Variants in ZNF597 observed in about 807,000 individuals in gnomAD.
The protein encoded by ZNF597 is zinc finger protein 597.
A neutral mutation model predicts 7.3 loss-of-function variants in ZNF597; 5 were observed. The ratio of observed to expected loss-of-function variants is 0.68; its 90% CI spans 0.36 to 1.44. The LOEUF is 1.44. Among genes scored for constraint, ZNF597 ranks in the 40% most tolerant of loss-of-function variants. The pLI is 0.04. For missense variants in ZNF597, 585 were observed against 517.9 expected, an observed-to-expected ratio of 1.13 and a Z score of -1.26; for synonymous variants, 209 against 185.4, an observed-to-expected ratio of 1.13 and a Z score of -1.04.
Position 3,436,803 on chromosome 16 carries a change from G to T in ZNF597, c.896C>A (p.Thr299Asn). ...CTGCCTGAAGCTCTTCATGCACTTA[G>T]TGTGCTGGTACTGGGGGCCTGATAC... ...TFVSGPQYQH[T>N]KCMKSFRQSL... Residue 299 changes from threonine (T) to asparagine (N), a missense_variant, in exon 4 of 4, where the codon ACT (threonine) becomes AAT (asparagine). By Grantham distance (65) the Thr-to-Asn change is moderately conservative. Coordinates refer to ENST00000301744, the MANE Select transcript of ZNF597 (RefSeq NM_152457.3). 3 of 1,613,598 alleles carry T rather than the reference G, an allele frequency of 1.9e-6. No homozygotes were observed. Among genetic ancestry groups the T allele is most frequent in the Non-Finnish European group, 2.5e-6 (3 of 1,180,028 alleles).
In ZNF597 at chr16:3,437,611, G is replaced by A. The variant is rs918249497; in HGVS notation, c.161-73C>T. On this transcript the variant is annotated intron_variant, in intron 3 of 3. Coordinates refer to ENST00000301744, the MANE Select transcript of ZNF597 (RefSeq NM_152457.3). ...GGATACTGGGGAAAAAGTAAGCTAA[G>A]GTAGTTACAAACAGGACCAGGAAAC... 3.6e-5 allele frequency: 54 copies of A among 1,493,790 alleles called. No individual in the cohort carries two copies. In the African/African-American group the frequency reaches 6.7e-4, roughly 19 times the overall value. The allele number at this position is 1,493,790 out of a possible 1,614,324, so 92.5% of individuals were successfully genotyped here.
Position 3,440,915 on chromosome 16 carries a change from C to G in ZNF597, c.52G>C (p.Asp18His), listed in dbSNP as rs1270679479. ...PEAQGPILFE[D>H]LAVYFSQEEC... ...TCTTGAGAAAAATACACAGCCAGAT[C>G]CTCAAAGAGTATTGGTCCCTGAAAC... Residue 18 changes from aspartate (D) to histidine (H), a missense_variant, in exon 3 of 4, where the codon GAT becomes CAT. By Grantham distance (81) the Asp-to-His change is moderately conservative (BLOSUM62 -1). Transcript: ENST00000301744. 6.2e-7 allele frequency: 1 copy of G among 1,613,772 alleles called. No individual in the cohort carries two copies. The highest frequency in any genetic ancestry group is 2.2e-5 in the East Asian group (1 of 44,884).
rs35587796 is a variant in ZNF597 at position 3,436,577 on chromosome 16, G to C, written c.1122C>G (p.Cys374Trp). ...TEERPHKCKT[C>W]EESFALDSEL... ...CTGAGTCCAAAGCAAAACTTTCCTCGCATGTTTTGCACTTATGGGGCCTTT... is the reference window on the plus strand; with the variant it reads ...CTGAGTCCAAAGCAAAACTTTCCTCCCATGTTTTGCACTTATGGGGCCTTT... Residue 374 changes from cysteine to tryptophan, a missense_variant, in exon 4 of 4, where the codon TGC becomes TGG. By Grantham distance (215) the Cys-to-Trp change is radical. Transcript: ENST00000301744. The C allele has an allele frequency of 6.2e-7, 1 of 1,610,598 alleles. No individual in the cohort carries two copies. Among genetic ancestry groups the C allele is most frequent in the South Asian group, 1.1e-5 (1 of 90,732 alleles).
In ZNF597 at chr16:3,436,700, G is replaced by C. The variant is rs1171444881; in HGVS notation, c.999C>G (p.Phe333Leu). The change falls in exon 4 of 4, where the codon TTC becomes TTG. Residue 333 changes from phenylalanine to leucine, a missense_variant. Phe to Leu is a conservative substitution (Grantham distance 22). Transcript: ENST00000301744. ...GTAAGGGCTTGAATTTTGAGAATGA[G>C]AAGAAATTGTCCCCATCATCGCTGC... ...ERCSDDGDNF[F>L]SFSKFKPLQC... 1 of 1,614,170 alleles carries C rather than the reference G, an allele frequency of 6.2e-7. No individual in the cohort carries two copies. The highest frequency in any genetic ancestry group is 1.3e-5 in the African/African-American group (1 of 75,038).
At chr16:3,439,388 A>G (rs1200378313) in intron 3 of ZNF597, among the ~76,000 whole-genome samples, 25 of 152,098 alleles carry the variant, frequency 1.6e-4, no homozygotes, top group Non-Finnish European at 1.5e-5. Flanking sequence ...GTATCAAAAA[A>G]AAAATAACCC....
At position 3,433,692 on chromosome 16, in the gene ZNF597, A is replaced by G. The variant is rs562258723; in HGVS notation, c.*2732T>C. 1 of 152,370 alleles carries G rather than the reference A, an allele frequency of 6.6e-6. No homozygotes were observed. The highest frequency in any genetic ancestry group is 2.1e-4 in the South Asian group (1 of 4,832). 9.4% of individuals were successfully genotyped at this position (152,370 alleles called of 1,614,324 possible). A position where few individuals can be genotyped will look rare whatever the true frequency, so the allele number is the denominator to read the frequency against. On this transcript the variant is annotated 3_prime_UTR_variant, in exon 4 of 4. Transcript: ENST00000301744. ...CATAAAAAGCCTGAAGCTCACCAGC[A>G]GATATATCTTTTCCTTCAATTCCCT...
chr16:3,440,986 C>G, intron 2 of ZNF597, 53 bp from the exon 3 acceptor site: 1 of 1,589,422 alleles, frequency 6.3e-7, no homozygotes. Flanking sequence ...CAGCCCCTCA[C>G]TTAACCTAGG....
intron 2 of ZNF597, among the ~76,000 whole-genome samples, chr16:3,442,060 T>C (rs1042130794): frequency 6.6e-6 from 1 of 151,852 alleles, no homozygotes; most frequent in African/African-American, 2.4e-5. Context: ...TACAGGATTC[T>C]CCCAACATCC....
intron 2 of ZNF597, 43 bp downstream of exon 2, chr16:3,443,078 G>T (rs371067138): frequency 1.5e-5 from 24 of 1,613,570 alleles, no homozygotes; most frequent in Middle Eastern, 1.6e-4. Flanking sequence ...GGCAGAGACC[G>T]AAAGCAGCAA....
At position 3,435,654 on chromosome 16, in the gene ZNF597, C is replaced by G. The variant is rs2034293481; in HGVS notation, c.*770G>C. 1 of 152,116 alleles carries G rather than the reference C, an allele frequency of 6.6e-6. No individual in the cohort carries two copies. The highest frequency in any genetic ancestry group is 2.4e-5 in the African/African-American group (1 of 41,422). 9.4% of individuals were successfully genotyped at this position (152,116 alleles called of 1,614,324 possible). On this transcript the variant is annotated 3_prime_UTR_variant, in exon 4 of 4. Transcript: ENST00000301744. ...TCACTGAGAAACAATTACAATTATTCATAGTAAGACAGGTAATGTGCTTCA... is the reference window on the plus strand; with the variant it reads ...TCACTGAGAAACAATTACAATTATTGATAGTAAGACAGGTAATGTGCTTCA...
chr16:3,442,596 A>G (rs2150935388), intron 2 of ZNF597, among the ~76,000 whole-genome samples: 1 of 151,102 alleles, frequency 6.6e-6, no homozygotes, highest in East Asian at 2.0e-4. Context: ...AATGGCATGA[A>G]CCCGGGAGGC....
At chr16:3,442,100 G>A (rs889484023) in intron 2 of ZNF597, among the ~76,000 whole-genome samples, 1 of 152,074 alleles carries the variant, frequency 6.6e-6, no homozygotes, top group African/African-American at 2.4e-5. Flanking sequence ...TCGTCCCCAT[G>A]ACACTCATTG....
chr16:3,440,638 A>T (rs118186249), intron 3 of ZNF597, among the ~76,000 whole-genome samples, 169 bp downstream of exon 3: 6,655 of 152,222 alleles, frequency 0.044, 197 homozygotes, highest in Middle Eastern at 0.061. Context: ...TGTCTCAAAA[A>T]AAAAAAATCA....
intron 1 of ZNF597, 49 bp from the exon 2 acceptor site, chr16:3,443,255 T>G: frequency 8.3e-7 from 1 of 1,204,202 alleles, no homozygotes; most frequent in Non-Finnish European, 1.2e-6. Context: ...CGCTGCCAAG[T>G]TCCTCCACTA....
In ZNF597 at chr16:3,436,554, G is replaced by A; in HGVS notation, c.1145C>T (p.Ser382Leu). ...KTCEESFALDSELACHQKSHM... is the reference protein window; with the variant it reads ...KTCEESFALDLELACHQKSHM... ...GCTCTTCTGGTGGCATGCAAGTTCT[G>A]AGTCCAAAGCAAAACTTTCCTCGCA... The change falls in exon 4 of 4, where the codon TCA becomes TTA. Residue 382 changes from serine (S) to leucine (L), a missense_variant. Coordinates refer to ENST00000301744, the MANE Select transcript of ZNF597 (RefSeq NM_152457.3). The A allele has an allele frequency of 1.2e-6, 2 of 1,613,728 alleles. No individual in the cohort carries two copies. The highest frequency in any genetic ancestry group is 1.1e-5 in the South Asian group (1 of 91,038).
chr16:3,437,241 T>C lies in ZNF597; in HGVS notation c.458A>G (p.Lys153Arg), dbSNP rs754559775. The C allele has an allele frequency of 2.4e-5, 38 of 1,614,226 alleles. No individual in the cohort carries two copies. The South Asian group carries it at 2.9e-4, about 12-fold the overall frequency. The change falls in exon 4 of 4, where the codon AAA becomes AGA. Residue 153 changes from lysine to arginine, a missense_variant. Coordinates refer to ENST00000301744, the MANE Select transcript of ZNF597 (RefSeq NM_152457.3). The stretch of plus-strand genomic sequence containing the variant: ...ACACTCAGGACATTTGTACACATTT[T>C]TGGCTCCTTCCCAGGGAGAATCAAG... The part of the protein sequence containing the change: ...EILDSPWEGA[K>R]NVYKCPECDQ...
rs376011364 is a variant in ZNF597 at position 3,440,973 on chromosome 16, G to A, written c.34-40C>T. ...CCTGTGTCAGCACAAGAGGGTGGAG[G>A]GTCAGCCCCTCACTTAACCTAGGAA... On this transcript the variant is annotated intron_variant, in intron 2 of 3. Coordinates refer to ENST00000301744, the MANE Select transcript of ZNF597 (RefSeq NM_152457.3). The A allele has an allele frequency of 5.6e-6, 9 of 1,599,160 alleles. No individual in the cohort carries two copies. In the African/African-American group the frequency reaches 1.1e-4, roughly 19 times the overall value.
At position 3,436,559 on chromosome 16, in the gene ZNF597, C is replaced by G. The variant is rs1280877622; in HGVS notation, c.1140G>C (p.Leu380Phe). The G allele has an allele frequency of 1.2e-6, 2 of 1,613,390 alleles. No individual in the cohort carries two copies. Among genetic ancestry groups the G allele is most frequent in the South Asian group, 2.2e-5 (2 of 91,014 alleles). ...TCTGGTGGCATGCAAGTTCTGAGTC[C>G]AAAGCAAAACTTTCCTCGCATGTTT... is the stretch of plus-strand genomic sequence containing the variant. ...KCKTCEESFA[L>F]DSELACHQKS... is the part of the protein sequence containing the mutation. Residue 380 changes from leucine to phenylalanine, a missense_variant, in exon 4 of 4, where the codon TTG becomes TTC. By Grantham distance (22) the Leu-to-Phe change is conservative (BLOSUM62 0). Transcript: ENST00000301744.
intron 1 of ZNF597, 28 bp from the exon 2 acceptor site, chr16:3,443,234 G>A (rs2034420574): frequency 2.1e-6 from 3 of 1,459,614 alleles, no homozygotes; most frequent in Admixed American, 1.9e-5. Context: ...AGTTCTTAAA[G>A]GGACCAATTC....
Sources: allele counts gnomAD v4.1 joint callset (sites outside exome capture counted in the v4.1 genomes callset), GRCh38; gene constraint gnomAD v4.1.1; transcripts MANE v1.5; gene names NCBI Gene and HGNC (gene_info 2026-07-23, HGNC 2026-07-21).